Variants in RBM28 observed in about 807,000 individuals in gnomAD.
RBM28 encodes the protein RNA-binding protein 28.
A neutral mutation model predicts 98.3 loss-of-function variants in RBM28; 78 were observed. That is an observed-to-expected ratio of 0.79 (90% confidence interval 0.66 to 0.96). The LOEUF is 0.96. RBM28 is among the 40% of genes least tolerant of loss of function. The pLI, the probability that RBM28 is intolerant of heterozygous loss-of-function variation, is 0.00. For synonymous variants in RBM28, 306 were observed against 330.9 expected (o/e 0.92, Z 0.82); for missense variants, 838 against 913.0 (o/e 0.92, Z 1.06).
rs1389275908 is a variant in RBM28, at chr7:128,323,539, G to C, written c.1392C>G (p.Ala464=). The change falls in exon 13 of 19, where the codon GCC becomes GCG. Residue 464 remains alanine, a synonymous_variant. Coordinates refer to ENST00000223073, the MANE Select transcript of RBM28 (RefSeq NM_018077.3). The part of the protein sequence containing the change: ...AAEGVSAADM[A]KRERFELLKH... ...CTAATCTACTCACCCGTTCTCTTTT[G>C]GCCATATCAGCAGCACTCACACCCT... 4.3e-6 allele frequency: 7 copies of C among 1,614,192 alleles called. No individual in the cohort carries two copies. The South Asian group carries it at 7.7e-5, about 18-fold the overall frequency.
intron 9 of RBM28, among the ~76,000 whole-genome samples, chr7:128,332,917 C>G (rs758831416): frequency 1.3e-5 from 2 of 152,198 alleles, no homozygotes; most frequent in Non-Finnish European, 2.9e-5. Context: ...GACACTGCAT[C>G]AGAAGATAAG....
intron 9 of RBM28, among the ~76,000 whole-genome samples, chr7:128,331,736 T>C (rs1796485446): frequency 6.6e-6 from 1 of 152,180 alleles, no homozygotes; most frequent in Admixed American, 6.5e-5. Flanking sequence ...AAGGAAATTT[T>C]GTTGTCCTAA....
intron 13 of RBM28, among the ~76,000 whole-genome samples, chr7:128,322,779 T>C (rs887154900): frequency 6.6e-6 from 1 of 152,146 alleles, no homozygotes; most frequent in Non-Finnish European, 1.5e-5. Flanking sequence ...TTTCTAGGTG[T>C]TCACTACCAC....
In RBM28 at chr7:128,301,764, G is replaced by C. The variant is rs1017171322; in HGVS notation, c.*9033C>G. 3.9e-5 allele frequency: 6 copies of C among 152,224 alleles called. No individual in the cohort carries two copies. Among genetic ancestry groups the C allele is most frequent in the Non-Finnish European group, 7.3e-5 (5 of 68,050 alleles). 9.4% of individuals were successfully genotyped at this position (152,224 alleles called of 1,614,324 possible). A position where few individuals can be genotyped will look rare whatever the true frequency, so the allele number is the denominator to read the frequency against. On this transcript the variant is annotated 3_prime_UTR_variant, in exon 19 of 19. Transcript: ENST00000223073. ...CATCACAGACCACTCTCACTGCACT[G>C]GCTATTAAGTGCCTGCTCTCTACTA...
intron 14 of RBM28, 75 bp from the exon 15 acceptor site, chr7:128,318,181 G>T: frequency 7.0e-7 from 1 of 1,433,020 alleles, no homozygotes; most frequent in Non-Finnish European, 9.7e-7. Flanking sequence ...CTTTAATAGA[G>T]TCAATAAGAA....
Position 128,304,930 on chromosome 7 carries a change from G to A in RBM28, c.*5867C>T, listed in dbSNP as rs1456575465. On this transcript the variant is annotated 3_prime_UTR_variant, in exon 19 of 19. Transcript: ENST00000223073. ...AATCCCAGCACTTTGGGAGGCCGAGGTGGGTGGATCACCTGAGGTCAGGAG... is the reference window on the plus strand; with the variant it reads ...AATCCCAGCACTTTGGGAGGCCGAGATGGGTGGATCACCTGAGGTCAGGAG... 6.6e-6 allele frequency: 1 copy of A among 152,218 alleles called. No individual in the cohort carries two copies. Among genetic ancestry groups the A allele is most frequent in the Admixed American group, 6.5e-5 (1 of 15,278 alleles). 9.4% of individuals were successfully genotyped at this position (152,218 alleles called of 1,614,324 possible).
Position 128,335,843 on chromosome 7 carries a change from T to G in RBM28, c.809+4A>C. 1.2e-6 allele frequency: 2 copies of G among 1,614,152 alleles called. No individual in the cohort carries two copies. The highest frequency in any genetic ancestry group is 1.3e-5 in the African/African-American group (1 of 75,056). On this transcript the variant is annotated splice_donor_region_variant and intron_variant, in intron 7 of 18. Transcript: ENST00000223073. ...GCTGTCTCAGAACAGGATGAGCTGCTTACCTCTTCTGAATTTGCACAGGCT... is the reference window on the plus strand; with the variant it reads ...GCTGTCTCAGAACAGGATGAGCTGCGTACCTCTTCTGAATTTGCACAGGCT...
chr7:128,336,019 T>C lies in RBM28; in HGVS notation c.637A>G (p.Lys213Glu), dbSNP rs1282102162. 6.2e-7 allele frequency: 1 copy of C among 1,611,500 alleles called. No individual in the cohort carries two copies. The highest frequency in any genetic ancestry group is 1.3e-5 in the African/African-American group (1 of 74,992). Residue 213 changes from lysine to glutamate, a missense_variant, in exon 7 of 19, where the codon AAA becomes GAA. By Grantham distance (56) the Lys-to-Glu change is moderately conservative (BLOSUM62 1). Coordinates refer to ENST00000223073, the MANE Select transcript of RBM28 (RefSeq NM_018077.3). The stretch of plus-strand genomic sequence containing the variant: ...TTCTTTTTAACTGATTCCTGATGTT[T>C]AGATTCATGGCTCTTTTCCTCACCT... Reference protein sequence around the residue: ...AIGEEKSHESKHQESVKKKGR... With the variant: ...AIGEEKSHESEHQESVKKKGR...
chr7:128,339,572 A>G (rs1232498438), intron 2 of RBM28, 61 bp downstream of exon 2: 2 of 1,570,166 alleles, frequency 1.3e-6, no homozygotes, highest in Non-Finnish European at 1.8e-6. Context: ...TCCCTCTTTC[A>G]TTTTCATAGT....
At position 128,331,019 on chromosome 7, in the gene RBM28, C is replaced by T; in HGVS notation, c.1020-91G>A. ...ACAATGTAAGTGAGTTAGATATCAA[C>T]TCTCCCTTGTTCAGAAATAGCACTA... On this transcript the variant is annotated intron_variant, in intron 9 of 18. Transcript: ENST00000223073. The T allele has an allele frequency of 3.4e-6, 3 of 873,632 alleles. No homozygotes were observed. The South Asian group carries it at 4.1e-5, about 12-fold the overall frequency. 54.1% of individuals were successfully genotyped at this position (873,632 alleles called of 1,614,324 possible).
rs1302987682 is a variant in RBM28 at position 128,308,554 on chromosome 7, C to T, written c.*2243G>A. On this transcript the variant is annotated 3_prime_UTR_variant, in exon 19 of 19. Coordinates refer to ENST00000223073, the MANE Select transcript of RBM28 (RefSeq NM_018077.3). ...ACATTTGACAGCCCAAGTCATGTCT[C>T]GAGGTGAACTTGGAGATAAATCACC... The T allele has an allele frequency of 2.0e-5, 3 of 152,258 alleles. No homozygotes were observed. Among genetic ancestry groups the T allele is most frequent in the Admixed American group, 6.5e-5 (1 of 15,282 alleles). The allele number at this position is 152,258 out of a possible 1,614,324, so 9.4% of individuals were successfully genotyped here. A position where few individuals can be genotyped will look rare whatever the true frequency, so the allele number is the denominator to read the frequency against.
chr7:128,310,728 A>T lies in RBM28; in HGVS notation c.*69T>A. On this transcript the variant is annotated 3_prime_UTR_variant, in exon 19 of 19. Coordinates refer to ENST00000223073, the MANE Select transcript of RBM28 (RefSeq NM_018077.3). ...TTTCCCTCAGTGAGAGACACGGGGGATGGGGAGGAGCCCAGGAGTGTCACC... is the reference window on the plus strand; with the variant it reads ...TTTCCCTCAGTGAGAGACACGGGGGTTGGGGAGGAGCCCAGGAGTGTCACC... The T allele has an allele frequency of 1.3e-6, 2 of 1,589,476 alleles. No individual in the cohort carries two copies. The highest frequency in any genetic ancestry group is 4.5e-5 in the East Asian group (2 of 44,746).
chr7:128,338,062 G>A (rs572344903), intron 5 of RBM28, among the ~76,000 whole-genome samples, 188 bp downstream of exon 5: 8 of 152,222 alleles, frequency 5.3e-5, no homozygotes, highest in African/African-American at 1.7e-4. Context: ...AAAGAATACT[G>A]GCAAGGGTTC....
chr7:128,341,152 T>C (rs1796715532), intron 1 of RBM28: 1 of 1,289,250 alleles, frequency 7.8e-7, no homozygotes, highest in Non-Finnish European at 1.0e-6. Context: ...GCTCTGCTTC[T>C]CTTTCCACTG....
intron 1 of RBM28, chr7:128,340,980 A>G: frequency 2.7e-6 from 1 of 373,404 alleles, no homozygotes; most frequent in Non-Finnish European, 4.9e-6. Flanking sequence ...GAATAATATT[A>G]GGACCAAGGA....
At position 128,306,563 on chromosome 7, in the gene RBM28, C is replaced by G. The variant is rs1398783774; in HGVS notation, c.*4234G>C. 6.6e-6 allele frequency: 1 copy of G among 152,136 alleles called. No homozygotes were observed. Among genetic ancestry groups the G allele is most frequent in the South Asian group, 2.1e-4 (1 of 4,824 alleles). 9.4% of individuals were successfully genotyped at this position (152,136 alleles called of 1,614,324 possible). A position where few individuals can be genotyped will look rare whatever the true frequency, so the allele number is the denominator to read the frequency against. ...CTTAAAGGACAAGAAATGATTTTCC[C>G]TTTATCAAATGTCCAGGGAAGGAAA... is the stretch of plus-strand genomic sequence containing the variant. On this transcript the variant is annotated 3_prime_UTR_variant, in exon 19 of 19. Coordinates refer to ENST00000223073, the MANE Select transcript of RBM28 (RefSeq NM_018077.3).
rs59848577 is a variant in RBM28, at chr7:128,318,062, C to T, written c.1608G>A (p.Lys536=). Residue 536 remains lysine (K), a synonymous_variant, in exon 15 of 19, where the codon AAG becomes AAA. Coordinates refer to ENST00000223073, the MANE Select transcript of RBM28 (RefSeq NM_018077.3). ...CAAAGGCGTAGCCCAGGGACTGACC[C>T]TTCATGTTCCCATGAACTCCTTTGA... is the stretch of plus-strand genomic sequence containing the variant. ...RDLKGVHGNM[K]GQSLGYAFAE... is the part of the protein sequence containing the mutation. The T allele has an allele frequency of 1.3e-3, 2,141 of 1,613,828 alleles. 26 individuals carry two copies. In the African/African-American group the frequency reaches 0.026, roughly 19 times the overall value.
chr7:128,339,681 C>T lies in RBM28; in HGVS notation c.229G>A (p.Val77Ile). ...TFEGCKINVT[V>I]AKKKLRNKTK... is the part of the protein sequence containing the mutation. ...TTGTTCCTCAGTTTTTTCTTGGCAA[C>T]AGTCACGTTGATCTTGCAACCTTCA... The change falls in exon 2 of 19, where the codon GTT (valine) becomes ATT (isoleucine). Residue 77 changes from valine (V) to isoleucine (I), a missense_variant. By Grantham distance (29) the Val-to-Ile change is conservative (BLOSUM62 3). Coordinates refer to ENST00000223073, the MANE Select transcript of RBM28 (RefSeq NM_018077.3). 6.2e-7 allele frequency: 1 copy of T among 1,614,082 alleles called. No individual in the cohort carries two copies. The highest frequency in any genetic ancestry group is 8.5e-7 in the Non-Finnish European group (1 of 1,179,984).
In RBM28 at chr7:128,310,693, G is replaced by T; in HGVS notation, c.*104C>A. 1.4e-6 allele frequency: 2 copies of T among 1,477,082 alleles called. No homozygotes were observed. The highest frequency in any genetic ancestry group is 1.9e-6 in the Non-Finnish European group (2 of 1,065,812). 91.5% of individuals were successfully genotyped at this position (1,477,082 alleles called of 1,614,324 possible). A position where few individuals can be genotyped will look rare whatever the true frequency, so the allele number is the denominator to read the frequency against. On this transcript the variant is annotated 3_prime_UTR_variant, in exon 19 of 19. Coordinates refer to ENST00000223073, the MANE Select transcript of RBM28 (RefSeq NM_018077.3). The stretch of plus-strand genomic sequence containing the variant: ...CTCCGAGCACAGTGGCAGTGCCCTT[G>T]GGGATTTTCTTTCCCTCAGTGAGAG...
Sources: gnomAD v4.1 joint callset for allele counts (sites outside exome capture counted in the v4.1 genomes callset) on GRCh38, gnomAD v4.1.1 for gene constraint, MANE v1.5 for transcripts, NCBI Gene and HGNC (gene_info 2026-07-23, HGNC 2026-07-21) for gene names.